The following EXOC6B variants were observed in gnomAD, a reference collection of about 807,000 sequenced individuals.
EXOC6B encodes the protein exocyst complex component 6B, also known as SEC15 homolog B.
Under a neutral mutation model 113.5 loss-of-function variants are expected in EXOC6B, and 54 were observed. The observed-to-expected ratio is 0.48, with a 90% CI of 0.38 to 0.60. EXOC6B has a LOEUF of 0.60. Ranked by LOEUF, EXOC6B falls within the 20% of genes least tolerant of loss-of-function variation. The probability of loss-of-function intolerance (pLI) is 0.00; values close to 1 mark genes in which losing one functional copy is unlikely to be tolerated. For synonymous variants in EXOC6B, 357 were observed against 339.0 expected (o/e 1.05, Z -0.58); for missense variants, 797 against 977.5 (o/e 0.82, Z 2.46).
chr2:72,582,084 G>C (rs146899421), intron 6 of EXOC6B, among the ~76,000 whole-genome samples: 1,860 of 152,246 alleles, frequency 0.012, 37 homozygotes, highest in African/African-American at 0.041. Flanking sequence ...GAAGTTCATA[G>C]GCCATAGAAG....
chr2:72,440,265 A>T (rs889656048), intron 18 of EXOC6B, among the ~76,000 whole-genome samples: 1 of 152,184 alleles, frequency 6.6e-6, no homozygotes, highest in African/African-American at 2.4e-5. Context: ...CAGGGTCGTA[A>T]TGAAAAAGAA....
At chr2:72,711,284 A>G (rs1054808713) in intron 6 of EXOC6B, among the ~76,000 whole-genome samples, 1 of 152,192 alleles carries the variant, frequency 6.6e-6, no homozygotes, top group African/African-American at 2.4e-5. Flanking sequence ...AGAAAATGGA[A>G]TAGGATAAAA....
chr2:72,595,070 C>T (rs1669989108), intron 6 of EXOC6B, among the ~76,000 whole-genome samples: 1 of 151,870 alleles, frequency 6.6e-6, no homozygotes, highest in African/African-American at 2.4e-5. Context: ...ACCAACCTGA[C>T]CAACATGGTG....
intron 6 of EXOC6B, among the ~76,000 whole-genome samples, chr2:72,641,485 T>G (rs1026143431): frequency 6.6e-6 from 1 of 152,208 alleles, no homozygotes; most frequent in Admixed American, 6.5e-5. Context: ...GAGATCAACC[T>G]GCAAGGCAGC....
chr2:72,492,665 T>G (rs1440205687), intron 15 of EXOC6B, among the ~76,000 whole-genome samples: 5 of 36,354 alleles, frequency 1.4e-4, no homozygotes, highest in African/African-American at 1.4e-4. Flanking sequence ...ATTCTGGCTG[T>G]TTTTTTTTCT....
At chr2:72,594,378 G>C (rs1376840000) in intron 6 of EXOC6B, among the ~76,000 whole-genome samples, 1 of 152,122 alleles carries the variant, frequency 6.6e-6, no homozygotes, top group African/African-American at 2.4e-5. Flanking sequence ...ATTTTACAAG[G>C]CCAATACTAC....
chr2:72,665,165 A>G (rs1446453379), intron 6 of EXOC6B, among the ~76,000 whole-genome samples: 2 of 152,314 alleles, frequency 1.3e-5, no homozygotes, highest in African/African-American at 4.8e-5. Flanking sequence ...CAGAACACCC[A>G]ACAAATGAAA....
chr2:72,349,958 T>C (rs562762171), intron 19 of EXOC6B, among the ~76,000 whole-genome samples: 52 of 152,228 alleles, frequency 3.4e-4, no homozygotes, highest in African/African-American at 1.1e-3. Context: ...TACAGTTAGA[T>C]TGAATTGTAG....
chr2:72,748,714 C>T (rs1006810012), intron 1 of EXOC6B, among the ~76,000 whole-genome samples: 1 of 151,954 alleles, frequency 6.6e-6, no homozygotes, highest in African/African-American at 2.4e-5. Flanking sequence ...AGATTTCTCT[C>T]AAGGCAGGAA....
intron 1 of EXOC6B, among the ~76,000 whole-genome samples, chr2:72,780,633 A>G (rs574628266): frequency 6.6e-6 from 1 of 152,320 alleles, no homozygotes; most frequent in South Asian, 2.1e-4. Context: ...AGGCAACAGG[A>G]CATGGAGTAG....
At chr2:72,428,239 C>G (rs1453376973) in intron 18 of EXOC6B, among the ~76,000 whole-genome samples, 35 of 152,190 alleles carry the variant, frequency 2.3e-4, no homozygotes, top group Admixed American at 2.2e-3. Context: ...TGAAACACAC[C>G]CCTTGTTCGC....
chr2:72,525,629 A>C (rs573332140), intron 8 of EXOC6B, among the ~76,000 whole-genome samples: 6 of 152,280 alleles, frequency 3.9e-5, no homozygotes, highest in Non-Finnish European at 5.9e-5. Flanking sequence ...ATAACTGTGC[A>C]CCTTAATTAC....
At chr2:72,229,507 T>C (rs758269582) in intron 20 of EXOC6B, among the ~76,000 whole-genome samples, 19 of 152,102 alleles carry the variant, frequency 1.2e-4, no homozygotes, top group Non-Finnish European at 2.1e-4. Context: ...GACACCTCTT[T>C]CCAGACCTGA....
At chr2:72,315,339 A>ATGTGTGTG (rs141556284) in intron 20 of EXOC6B, among the ~76,000 whole-genome samples, 3 of 148,576 alleles carry the variant, frequency 2.0e-5, no homozygotes, top group African/African-American at 7.4e-5. Context: ...TAAAGGGTGT[A>ATGTGTGTG]TGTGTGTGTG....
chr2:72,559,750 A>T (rs1486154098), intron 7 of EXOC6B, among the ~76,000 whole-genome samples: 1 of 152,198 alleles, frequency 6.6e-6, no homozygotes. Context: ...CAAAGCCCAC[A>T]AGGATGGGTA....
At chr2:72,456,752 G>A (rs1165382369) in intron 18 of EXOC6B, among the ~76,000 whole-genome samples, 3 of 151,998 alleles carry the variant, frequency 2.0e-5, no homozygotes, top group African/African-American at 7.3e-5. Context: ...TAAAGCATTT[G>A]GAACACAGCA....
chr2:72,404,150 G>T (rs1390828029), intron 18 of EXOC6B, among the ~76,000 whole-genome samples: 1 of 152,174 alleles, frequency 6.6e-6, no homozygotes, highest in Non-Finnish European at 1.5e-5. Context: ...AAGGCAGCGG[G>T]GAGGCTGGGG....
intron 20 of EXOC6B, among the ~76,000 whole-genome samples, chr2:72,326,368 G>T (rs556657980): frequency 7.9e-5 from 12 of 152,264 alleles, no homozygotes; most frequent in African/African-American, 1.9e-4. Flanking sequence ...GGCTTGGTTT[G>T]TTGGGAGAAG....
At chr2:72,463,684 AATCT>A (rs1345873256) in intron 18 of EXOC6B, 1 of 152,196 alleles carries the variant, frequency 6.6e-6, no homozygotes, top group Non-Finnish European at 1.5e-5. Context: ...TTTAAGCCAA[AATCT>A]TTGAAAAGCA....
Sources: allele counts gnomAD v4.1 joint callset (sites outside exome capture counted in the v4.1 genomes callset), GRCh38; gene constraint gnomAD v4.1.1; transcripts MANE v1.5; gene names NCBI Gene and HGNC (gene_info 2026-07-23, HGNC 2026-07-21).